Variants in ZNF618 observed in about 807,000 individuals in gnomAD.
The protein encoded by ZNF618 is zinc finger protein 618.
Under a neutral mutation model 103.0 loss-of-function variants are expected in ZNF618, and 34 were observed. That is an observed-to-expected ratio of 0.33 (90% CI 0.25 to 0.44). The LOEUF is 0.44. ZNF618 is among the 20% of genes least tolerant of loss of function. The pLI is 1.00. For missense variants in ZNF618, 1,059 were observed against 1,295.4 expected (o/e 0.82, Z 2.80); for synonymous variants, 551 against 542.2 (o/e 1.02, Z -0.23).
chr9:113,898,442 T>G (rs1830231037), intron 1 of ZNF618, among the ~76,000 whole-genome samples: 1 of 151,152 alleles, frequency 6.6e-6, no homozygotes, highest in Non-Finnish European at 1.5e-5. Flanking sequence ...TTTTTCGTTT[T>G]TTTTTTTTTT....
rs533952812 is a variant in ZNF618 at position 113,986,571 on chromosome 9, A to G, written c.78-1750A>G. Among the ~76,000 whole-genome samples the G allele has an allele frequency of 1.4e-3, 218 of 152,038 alleles. 2 individuals carry two copies. The highest frequency in any genetic ancestry group is 0.01 in the South Asian group (49 of 4,816). ...CTGTCACTGTGTCCTCACGTGGGGG[A>G]GAGAGCAATCTCTTTCCCTTCTTAC... On this transcript the variant is annotated intron_variant, in intron 2 of 14. Transcript: ENST00000374126.
chr9:113,966,271 C>A lies in ZNF618; in HGVS notation c.34-2846C>A, dbSNP rs987307826. On this transcript the variant is annotated intron_variant, in intron 1 of 14. Coordinates refer to ENST00000374126, the MANE Select transcript of ZNF618 (RefSeq NM_001318042.2). ...CATTTTGCAGAGGGAGAAATCGAGG[C>A]CTTGGAAATACGTGTGACTTGCTGA... Among the ~76,000 whole-genome samples the A allele has an allele frequency of 1.8e-4, 28 of 152,120 alleles. 2 individuals carry two copies. The highest frequency in any genetic ancestry group is 1.7e-3 in the Admixed American group (26 of 15,270).
chr9:113,917,000 G>A (rs1288012802), intron 1 of ZNF618, among the ~76,000 whole-genome samples: 1 of 152,136 alleles, frequency 6.6e-6, no homozygotes, highest in Non-Finnish European at 1.5e-5. Flanking sequence ...TTGTTCAGAA[G>A]GAAGAGGGGC....
At chr9:114,030,387 C>T (rs773733364) in intron 11 of ZNF618, among the ~76,000 whole-genome samples, 4 of 152,270 alleles carry the variant, frequency 2.6e-5, no homozygotes, top group East Asian at 1.9e-4. Flanking sequence ...TGATAGATAT[C>T]GGCTCCACTA....
intron 1 of ZNF618, among the ~76,000 whole-genome samples, chr9:113,964,776 T>A (rs1272924241): frequency 2.7e-5 from 4 of 149,236 alleles, no homozygotes; most frequent in Admixed American, 6.6e-5. Flanking sequence ...TTTTTTTGGT[T>A]GCTGCTATTC....
At chr9:114,016,619 G>T in intron 9 of ZNF618, 76 bp from the exon 10 acceptor site, 2 of 1,148,252 alleles carry the variant, frequency 1.7e-6, no homozygotes, top group Admixed American at 2.0e-5. Context: ...GAGTTTTTTG[G>T]GGGGTGGGAG....
intron 13 of ZNF618, among the ~76,000 whole-genome samples, chr9:114,036,590 C>T (rs1344281679): frequency 2.0e-5 from 3 of 152,230 alleles, no homozygotes; most frequent in Admixed American, 6.5e-5. Flanking sequence ...GGAGGCAGCA[C>T]AGGCTCTGTG....
At chr9:113,920,193 C>T (rs1348245668) in intron 1 of ZNF618, among the ~76,000 whole-genome samples, 5 of 152,130 alleles carry the variant, frequency 3.3e-5, no homozygotes, top group African/African-American at 1.2e-4. Flanking sequence ...GTTGCCATGG[C>T]GATGCAGAAG....
At chr9:114,045,520 G>A (rs532727519) in intron 13 of ZNF618, among the ~76,000 whole-genome samples, 3 of 151,922 alleles carry the variant, frequency 2.0e-5, no homozygotes, top group Non-Finnish European at 4.4e-5. Context: ...TCAAAACTCA[G>A]TTGACCATAA....
intron 4 of ZNF618, among the ~76,000 whole-genome samples, chr9:113,998,797 C>T (rs1840882443): frequency 6.6e-6 from 1 of 152,256 alleles, no homozygotes; most frequent in African/African-American, 2.4e-5. Flanking sequence ...CTCCCTCATG[C>T]ACTCTTGGCC....
At chr9:113,888,399 C>T (rs58148408) in intron 1 of ZNF618, among the ~76,000 whole-genome samples, 5,469 of 152,368 alleles carry the variant, frequency 0.036, 563 homozygotes, top group East Asian at 0.29. Flanking sequence ...CTCAGCAGAC[C>T]AGCGGGTTTT....
intron 1 of ZNF618, among the ~76,000 whole-genome samples, chr9:113,951,410 T>TACACACATATATGTGTGTATATATATAC (rs1554732792): frequency 3.3e-5 from 4 of 122,146 alleles, no homozygotes; most frequent in Non-Finnish European, 3.4e-5. Context: ...TACGTATATA[T>TACACACATATATGTGTGTATATATATAC]ACACACATAT....
In ZNF618 at chr9:113,918,802, C is replaced by A. The variant is rs544712681; in HGVS notation, c.33+42389C>A. 5.9e-5 allele frequency among the ~76,000 whole-genome samples: 9 copies of A among 152,270 alleles called. No individual in the cohort carries two copies. The South Asian group carries it at 1.2e-3, about 21-fold the overall frequency. ...GATGTACCAGGCTCATCTTGCACCC[C>A]GGCCCTGGAATCAGCCCTTACCCCA... On this transcript the variant is annotated intron_variant, in intron 1 of 14. Coordinates refer to ENST00000374126, the MANE Select transcript of ZNF618 (RefSeq NM_001318042.2).
chr9:113,987,084 A>G (rs1839554840), intron 2 of ZNF618, among the ~76,000 whole-genome samples: 1 of 152,146 alleles, frequency 6.6e-6, no homozygotes, highest in African/African-American at 2.4e-5. Context: ...CTCCTCTGGC[A>G]CAGTGGAGAG....
At chr9:114,033,575 G>A (rs184963375) in intron 12 of ZNF618, among the ~76,000 whole-genome samples, 4 of 152,168 alleles carry the variant, frequency 2.6e-5, no homozygotes, top group African/African-American at 4.8e-5. Context: ...TTCCAGGACC[G>A]CGGCAGAGCC....
chr9:113,911,100 C>T lies in ZNF618; in HGVS notation c.33+34687C>T, dbSNP rs369311364. Among the ~76,000 whole-genome samples, 4 of 152,326 alleles carry T rather than the reference C, an allele frequency of 2.6e-5. 1 individual carries two copies. Among genetic ancestry groups the T allele is most frequent in the Non-Finnish European group, 1.5e-5 (1 of 68,032 alleles). On this transcript the variant is annotated intron_variant, in intron 1 of 14. Coordinates refer to ENST00000374126, the MANE Select transcript of ZNF618 (RefSeq NM_001318042.2). ...CCGCCTGCCTTGGCCTTCCAAAGTG[C>T]TGGGATCACAGGAGTGAGCCACCGC...
chr9:114,008,880 C>G (rs918033758), intron 9 of ZNF618, among the ~76,000 whole-genome samples: 1 of 152,182 alleles, frequency 6.6e-6, no homozygotes, highest in African/African-American at 2.4e-5. Flanking sequence ...TGACATTTCC[C>G]CACAGGTTTG....
chr9:114,045,462 G>A (rs924051800), intron 13 of ZNF618, among the ~76,000 whole-genome samples: 1 of 151,894 alleles, frequency 6.6e-6, no homozygotes, highest in Non-Finnish European at 1.5e-5. Context: ...AGCACCATTT[G>A]TTGAAAAGAC....
chr9:113,887,044 A>G (rs1829143013), intron 1 of ZNF618, among the ~76,000 whole-genome samples: 1 of 129,344 alleles, frequency 7.7e-6, no homozygotes, highest in Non-Finnish European at 1.5e-5. Context: ...TCCATGGCTC[A>G]TATTATATTT....
Sources: gnomAD v4.1 joint callset for allele counts (sites outside exome capture counted in the v4.1 genomes callset) on GRCh38, gnomAD v4.1.1 for gene constraint, MANE v1.5 for transcripts, NCBI Gene and HGNC (gene_info 2026-07-23, HGNC 2026-07-21) for gene names.